Variants in PHTF2 observed in about 807,000 individuals in gnomAD.
PHTF2 encodes protein PHTF2.
Under a neutral mutation model 101.2 loss-of-function variants are expected in PHTF2, and 60 were observed. That is an observed-to-expected ratio of 0.59 (90% CI 0.48 to 0.73). The LOEUF (loss-of-function observed/expected upper bound fraction) is 0.73. Among genes scored for constraint, PHTF2 ranks in the 30% least tolerant of loss-of-function variants. The pLI is 0.00. For missense variants in PHTF2, 747 were observed against 908.7 expected (o/e 0.82, Z 2.29); for synonymous variants, 311 against 307.3 (o/e 1.01, Z -0.13).
intron 1 of PHTF2, among the ~76,000 whole-genome samples, chr7:77,827,373 G>T (rs1794761242): frequency 6.6e-6 from 1 of 151,854 alleles, no homozygotes; most frequent in Admixed American, 6.6e-5. Flanking sequence ...TATTCTTTTT[G>T]AGACGGAGTC....
chr7:77,866,254 C>T (rs1798057817), intron 3 of PHTF2, among the ~76,000 whole-genome samples: 1 of 151,032 alleles, frequency 6.6e-6, no homozygotes, highest in South Asian at 2.1e-4. Context: ...GAAGTGTGCT[C>T]TACATGATGT....
intron 3 of PHTF2, among the ~76,000 whole-genome samples, chr7:77,890,779 G>A (rs1384256783): frequency 1.3e-5 from 2 of 151,096 alleles, no homozygotes; most frequent in Non-Finnish European, 2.9e-5. Flanking sequence ...CTAATTTTTT[G>A]TATTTTTAGT....
intron 1 of PHTF2, among the ~76,000 whole-genome samples, chr7:77,808,549 T>C (rs1375213068): frequency 3.3e-5 from 5 of 152,262 alleles, no homozygotes; most frequent in Non-Finnish European, 7.3e-5. Flanking sequence ...CTCCTTTTGG[T>C]GATTCTTTCC....
At chr7:77,826,993 A>C (rs1794738759) in intron 1 of PHTF2, among the ~76,000 whole-genome samples, 1 of 152,262 alleles carries the variant, frequency 6.6e-6, no homozygotes, top group African/African-American at 2.4e-5. Context: ...ATTTAAATAC[A>C]GAAGAAAATG....
chr7:77,860,998 C>T (rs1797596762), intron 3 of PHTF2, among the ~76,000 whole-genome samples: 1 of 152,170 alleles, frequency 6.6e-6, no homozygotes, highest in Non-Finnish European at 1.5e-5. Flanking sequence ...GCCACCTTAC[C>T]TGGCCTTAAT....
intron 12 of PHTF2, among the ~76,000 whole-genome samples, chr7:77,931,322 G>A (rs1804542913): frequency 6.6e-6 from 1 of 152,152 alleles, no homozygotes; most frequent in Non-Finnish European, 1.5e-5. Flanking sequence ...CCACAGGCTG[G>A]GAGAAGATAT....
At chr7:77,949,752 A>C (rs912923891) in exon 17 of PHTF2, 2 of 1,552,490 alleles carry the variant, frequency 1.3e-6, no homozygotes, top group Non-Finnish European at 1.8e-6. Context: ...TCTCGTTAAC[A>C]CTTTTTCTCC....
chr7:77,822,835 G>A (rs1484707616), intron 1 of PHTF2, among the ~76,000 whole-genome samples: 1 of 152,022 alleles, frequency 6.6e-6, no homozygotes, highest in African/African-American at 2.4e-5. Flanking sequence ...TTATTGGGGG[G>A]ATGAGTGCTG....
intron 1 of PHTF2, among the ~76,000 whole-genome samples, chr7:77,805,837 G>A (rs1413980510): frequency 6.6e-6 from 1 of 152,208 alleles, no homozygotes; most frequent in Non-Finnish European, 1.5e-5. Flanking sequence ...TTTGGCAAAT[G>A]ATTCATTCAC....
At position 77,892,661 on chromosome 7, in the gene PHTF2, A is replaced by G. The variant is rs370586262; in HGVS notation, c.148-947A>G. Among the ~76,000 whole-genome samples the G allele has an allele frequency of 7.2e-5, 11 of 152,274 alleles. No individual in the cohort carries two copies. In the East Asian group the frequency reaches 2.1e-3, roughly 29 times the overall value. ...TTGACCCATTTCAGTGTCCTTTTGG[A>G]TATGGGGAATTAAGTGGAAACTGGA... On this transcript the variant is annotated intron_variant, in intron 3 of 19. Transcript: ENST00000416283.
intron 4 of PHTF2, 40 bp from the exon 4 acceptor site, chr7:77,893,942 T>G (rs1271019122): frequency 1.3e-6 from 2 of 1,496,792 alleles, no homozygotes; most frequent in East Asian, 2.3e-5. Context: ...ACTTCTAGTT[T>G]GCTTTTTCTC....
intron 11 of PHTF2, among the ~76,000 whole-genome samples, chr7:77,925,532 A>G (rs1265123653): frequency 4.5e-4 from 45 of 100,650 alleles, no homozygotes; most frequent in Non-Finnish European, 7.1e-4. Flanking sequence ...TTTTTGAGAC[A>G]GAGTTTCACT....
intron 9 of PHTF2, among the ~76,000 whole-genome samples, chr7:77,919,765 C>G (rs915229907): frequency 5.3e-5 from 8 of 152,046 alleles, no homozygotes; most frequent in African/African-American, 1.9e-4. Flanking sequence ...TTCACTTCTT[C>G]CATTATTTAG....
intron 1 of PHTF2, among the ~76,000 whole-genome samples, chr7:77,804,549 C>A (rs1347359712): frequency 6.6e-6 from 1 of 152,208 alleles, no homozygotes; most frequent in Non-Finnish European, 1.5e-5. Context: ...TGGTCTTGAA[C>A]TCCTGACCTC....
intron 9 of PHTF2, among the ~76,000 whole-genome samples, chr7:77,910,613 G>A (rs978243425): frequency 2.0e-5 from 3 of 152,096 alleles, no homozygotes; most frequent in African/African-American, 7.2e-5. Context: ...ATCTATACGA[G>A]AATGAATATA....
At chr7:77,935,120 TCCC>T (rs201606651) in intron 12 of PHTF2, among the ~76,000 whole-genome samples, 1 of 67,486 alleles carries the variant, frequency 1.5e-5, no homozygotes, top group African/African-American at 4.9e-5. Flanking sequence ...CAGTGTACAT[TCCC>T]CCCCCCCACA....
chr7:77,916,037 A>G (rs1802889913), intron 9 of PHTF2, among the ~76,000 whole-genome samples: 1 of 151,580 alleles, frequency 6.6e-6, no homozygotes, highest in South Asian at 2.1e-4. Flanking sequence ...ATTTCTTCCT[A>G]TACGGTAATA....
chr7:77,803,566 A>G (rs969774474), intron 1 of PHTF2, among the ~76,000 whole-genome samples: 2 of 152,170 alleles, frequency 1.3e-5, no homozygotes, highest in Admixed American at 6.5e-5. Context: ...AAATGGAGTT[A>G]CCTACTTTGC....
In PHTF2 at chr7:77,920,276, T is replaced by TA. The variant is rs1803322671; in HGVS notation, c.777-2dup. The TA allele has an allele frequency of 6.5e-7, 1 of 1,531,486 alleles. No individual in the cohort carries two copies. The highest frequency in any genetic ancestry group is 8.9e-7 in the Non-Finnish European group (1 of 1,120,698). The allele number at this position is 1,531,486 out of a possible 1,614,324, so 94.9% of individuals were successfully genotyped here. On this transcript the variant is annotated splice_region_variant and splice_polypyrimidine_tract_variant and intron_variant, in intron 9 of 19. Transcript: ENST00000416283. ...ACATTCTTCTGCATATTTTAATTTT[T>TA]AGATCAAAGAAAGCAAAGAATTCAA...
Sources: gnomAD v4.1 joint callset for allele counts (sites outside exome capture counted in the v4.1 genomes callset) on GRCh38, gnomAD v4.1.1 for gene constraint, MANE v1.5 for transcripts, NCBI Gene and HGNC (gene_info 2026-07-23, HGNC 2026-07-21) for gene names.